CIT: variants seen among roughly 807,000 people sequenced by gnomAD.
CIT encodes citron rho-interacting serine/threonine kinase, also known as citron Rho-interacting kinase.
Under a neutral mutation model 272.7 loss-of-function variants are expected in CIT, and 79 were observed. The ratio of observed to expected loss-of-function variants is 0.29; its 90% CI spans 0.24 to 0.35. The LOEUF is 0.35. CIT is among the 10% of genes least tolerant of loss of function. The pLI is 1.00. For missense variants in CIT, 1,909 were observed against 2,618.3 expected (o/e 0.73, Z 5.91); for synonymous variants, 948 against 995.6 (o/e 0.95, Z 0.90).
intron 19 of CIT, among the ~76,000 whole-genome samples, chr12:119,765,604 G>A (rs766016536): frequency 6.6e-6 from 1 of 150,630 alleles, no homozygotes; most frequent in Non-Finnish European, 1.5e-5. Context: ...CTGAGTAGCT[G>A]AGACAACAGG....
chr12:119,787,453 C>G (rs1337793580), intron 10 of CIT, among the ~76,000 whole-genome samples: 4 of 150,780 alleles, frequency 2.7e-5, no homozygotes, highest in African/African-American at 9.8e-5. Flanking sequence ...ACAAATAGGC[C>G]GGGCGCGGTG....
At chr12:119,862,466 C>T (rs1162948716) in intron 3 of CIT, among the ~76,000 whole-genome samples, 1 of 152,010 alleles carries the variant, frequency 6.6e-6, no homozygotes, top group African/African-American at 2.4e-5. Context: ...AACGTTTGTG[C>T]CCCTCGCCCC....
intron 37 of CIT, chr12:119,711,172 C>A: frequency 8.5e-7 from 1 of 1,180,806 alleles, no homozygotes; most frequent in Non-Finnish European, 1.2e-6. Flanking sequence ...ACAGGTCTAA[C>A]CACTGAGTAA....
At chr12:119,705,670 G>C (rs1362182131) in intron 40 of CIT, among the ~76,000 whole-genome samples, 1 of 150,656 alleles carries the variant, frequency 6.6e-6, no homozygotes, top group Admixed American at 6.7e-5. Context: ...TACTCAGGAG[G>C]CTGAGGCAGA....
intron 26 of CIT, among the ~76,000 whole-genome samples, chr12:119,731,137 A>G (rs1164902704): frequency 1.3e-5 from 2 of 151,946 alleles, no homozygotes; most frequent in Non-Finnish European, 2.9e-5. Flanking sequence ...AAAACAAAAC[A>G]AAAACAAAAA....
At chr12:119,723,695 G>A (rs1158001416) in intron 28 of CIT, among the ~76,000 whole-genome samples, 1 of 152,176 alleles carries the variant, frequency 6.6e-6, no homozygotes, top group Non-Finnish European at 1.5e-5. Context: ...AACTTCAGTA[G>A]GGCGGTATTT....
rs149902998 is a variant in CIT at position 119,710,553 on chromosome 12, G to A, written c.4922C>T (p.Pro1641Leu). Residue 1641 changes from proline to leucine, a missense_variant, in exon 38 of 48, where the codon CCC (proline) becomes CTC (leucine). This residue lies in a region of CIT where 780 missense variants were observed against 1,067.2 expected (regional missense o/e 0.73). Transcript: ENST00000392521. This position sits in a 1 kb window ranked among gnomAD's most constrained non-coding sequence, Gnocchi z 5.6. Reference protein sequence around the residue: ...DDRLDMNCTLPFSDQVVLVGT... With the variant: ...DDRLDMNCTLLFSDQVVLVGT... ...TGCAAGCATTACCTGGTCACTGAAG[G>A]GCAGCGTGCAGTTCATGTCTAGACG... 1 of 1,614,186 alleles carries A rather than the reference G, an allele frequency of 6.2e-7. No homozygotes were observed. The highest frequency in any genetic ancestry group is 1.3e-5 in the African/African-American group (1 of 75,054).
At chr12:119,793,140 C>G (rs1965464763) in intron 10 of CIT, among the ~76,000 whole-genome samples, 1 of 151,710 alleles carries the variant, frequency 6.6e-6, no homozygotes, top group African/African-American at 2.4e-5. Flanking sequence ...TACATACTGA[C>G]ACACACCACA....
At position 119,710,914 on chromosome 12, in the gene CIT, T is replaced by C; in HGVS notation, c.4855-294A>G. 2 of 691,120 alleles carry C rather than the reference T, an allele frequency of 2.9e-6. No homozygotes were observed. The highest frequency in any genetic ancestry group is 4.5e-6 in the Non-Finnish European group (2 of 442,028). The allele number at this position is 691,120 out of a possible 1,614,324, so 42.8% of individuals were successfully genotyped here. ...TGGAAAGCTATTCTGTAATAAGAAA[T>C]AAGCTGAAGCTAAGGAGATTTCACC... On this transcript the variant is annotated intron_variant, in intron 37 of 47. Coordinates refer to ENST00000392521, the MANE Select transcript of CIT (RefSeq NM_001206999.2). The surrounding 1 kb of genome is among the most constrained non-coding windows in gnomAD (Gnocchi z 5.6).
chr12:119,751,510 AG>A (rs1960257102), intron 23 of CIT, among the ~76,000 whole-genome samples: 1 of 152,136 alleles, frequency 6.6e-6, no homozygotes, highest in South Asian at 2.1e-4. Flanking sequence ...CAAGGAAGCC[AG>A]GTCCCTTTTA....
In CIT at chr12:119,712,625, A is replaced by C. The variant is rs755862743; in HGVS notation, c.4650T>G (p.Val1550=). ...CTGTATTTGCGAGTTCGGAAGCACC[A>C]ACGGCACCATGAATAGATACATCCC... ...PDGDVSIHGA[V]GASELANTAK... The change falls in exon 36 of 48, where the codon GTT becomes GTG. Residue 1550 remains valine (V), a synonymous_variant. Transcript: ENST00000392521. The surrounding 1 kb of genome is among the most constrained non-coding windows in gnomAD (Gnocchi z 5.2). 2.8e-5 allele frequency: 46 copies of C among 1,614,062 alleles called. No individual in the cohort carries two copies. Among genetic ancestry groups the C allele is most frequent in the Non-Finnish European group, 3.6e-5 (43 of 1,180,040 alleles).
At chr12:119,758,998 T>G (rs1332801045) in intron 20 of CIT, among the ~76,000 whole-genome samples, 1 of 152,206 alleles carries the variant, frequency 6.6e-6, no homozygotes, top group Non-Finnish European at 1.5e-5. Context: ...AAACCCCATC[T>G]CATCTACATG....
intron 10 of CIT, among the ~76,000 whole-genome samples, chr12:119,794,265 G>A (rs1057481120): frequency 1.3e-5 from 2 of 149,384 alleles, no homozygotes; most frequent in East Asian, 1.9e-4. Flanking sequence ...CAATATATTT[G>A]TTGAGTGAAT....
chr12:119,775,502 G>A (rs1215002333), intron 16 of CIT, among the ~76,000 whole-genome samples: 2 of 152,330 alleles, frequency 1.3e-5, no homozygotes, highest in East Asian at 3.9e-4. Flanking sequence ...CCCCTGAGGC[G>A]AGAGATGCAG....
intron 37 of CIT, among the ~76,000 whole-genome samples, chr12:119,711,793 G>A (rs1398829798): frequency 2.6e-5 from 4 of 152,122 alleles, no homozygotes; most frequent in Non-Finnish European, 5.9e-5. Flanking sequence ...GGAACTACAG[G>A]TGCATGTCAC....
In CIT at chr12:119,710,511, C is replaced by G; in HGVS notation, c.4935+29G>C. 6.2e-7 allele frequency: 1 copy of G among 1,613,706 alleles called. No homozygotes were observed. The highest frequency in any genetic ancestry group is 8.5e-7 in the Non-Finnish European group (1 of 1,179,566). ...GATGGGGTGTGGCTGTAACCAGACA[C>G]CAGCTGGCCGTGCCCATGCAAGCAT... is the stretch of plus-strand genomic sequence containing the variant. On this transcript the variant is annotated intron_variant, in intron 38 of 47. Coordinates refer to ENST00000392521, the MANE Select transcript of CIT (RefSeq NM_001206999.2). The surrounding 1 kb of genome is among the most constrained non-coding windows in gnomAD (Gnocchi z 5.6).
At chr12:119,856,489 C>T (rs1950173966) in intron 4 of CIT, among the ~76,000 whole-genome samples, 1 of 152,014 alleles carries the variant, frequency 6.6e-6, no homozygotes, top group South Asian at 2.1e-4. Context: ...TTTCCCCCTC[C>T]CCACCCAAAT....
At chr12:119,840,437 T>C (rs4766950) in intron 5 of CIT, among the ~76,000 whole-genome samples, 65,637 of 151,966 alleles carry the variant, frequency 0.43, 15,279 homozygotes, top group Middle Eastern at 0.52. Flanking sequence ...CCTAAAATGG[T>C]AGAAGTGTAA....
chr12:119,707,280 T>C (rs1319297278), intron 40 of CIT, among the ~76,000 whole-genome samples: 8 of 152,224 alleles, frequency 5.3e-5, no homozygotes, highest in South Asian at 4.1e-4. Context: ...ACATTTATTT[T>C]AGATTCAAAA....
Sources: allele counts gnomAD v4.1 joint callset (sites outside exome capture counted in the v4.1 genomes callset), GRCh38; gene constraint gnomAD v4.1.1; regional missense constraint gnomAD v4.1.1; non-coding constraint Gnocchi (gnomAD v3.1); transcripts MANE v1.5; gene names NCBI Gene and HGNC (gene_info 2026-07-23, HGNC 2026-07-21).